CPAMD8: variants seen among roughly 807,000 people sequenced by gnomAD.
CPAMD8 encodes the protein C3 and PZP-like alpha-2-macroglobulin domain-containing protein 8.
A neutral mutation model predicts 224.7 loss-of-function variants in CPAMD8; 146 were observed. The ratio of observed to expected loss-of-function variants is 0.65; its 90% CI spans 0.57 to 0.75. The LOEUF is 0.75. Ranked by LOEUF, CPAMD8 falls within the 30% of genes least tolerant of loss-of-function variation. The pLI is 0.00. For missense variants in CPAMD8, 2,301 were observed against 2,537.5 expected (o/e 0.91, Z 2.00); for synonymous variants, 966 against 1,044.6 (o/e 0.92, Z 1.45).
At chr19:16,995,390 T>C (rs997773971) in intron 11 of CPAMD8, among the ~76,000 whole-genome samples, 1 of 150,944 alleles carries the variant, frequency 6.6e-6, no homozygotes, top group Non-Finnish European at 1.5e-5. Flanking sequence ...CCAGGTTTGT[T>C]TTTGTTTTTT....
At chr19:16,904,181 A>ACCCCC in intron 32 of CPAMD8, 45 bp downstream of exon 32, 5 of 285,562 alleles carry the variant, frequency 1.8e-5, no homozygotes, top group Admixed American at 1.2e-4. Context: ...CAGGGACCCC[A>ACCCCC]CCCACCCAGC....
At chr19:17,009,423 T>A in intron 5 of CPAMD8, 103 bp from the exon 6 acceptor site, 1 of 1,594,950 alleles carries the variant, frequency 6.3e-7, no homozygotes, top group South Asian at 1.1e-5. Context: ...GCAGTCGCTG[T>A]TATGGGTTAA....
At chr19:16,979,258 C>T (rs1402585330) in intron 14 of CPAMD8, among the ~76,000 whole-genome samples, 1 of 150,096 alleles carries the variant, frequency 6.7e-6, no homozygotes, top group East Asian at 2.0e-4. Context: ...TCCTCATCCA[C>T]CCACCCATTA....
At chr19:16,978,207 T>C (rs1334542971) in intron 14 of CPAMD8, among the ~76,000 whole-genome samples, 4 of 152,060 alleles carry the variant, frequency 2.6e-5, no homozygotes, top group Non-Finnish European at 5.9e-5. Context: ...AGGAAACTCA[T>C]GGGCAACAGG....
At chr19:16,940,818 G>T (rs2053863043) in intron 22 of CPAMD8, among the ~76,000 whole-genome samples, 1 of 152,190 alleles carries the variant, frequency 6.6e-6, no homozygotes, top group Non-Finnish European at 1.5e-5. Context: ...ACCAGGGAAG[G>T]CCCCAGAAGC....
At position 16,993,515 on chromosome 19, in the gene CPAMD8, T is replaced by C. The variant is rs1261380487; in HGVS notation, c.1167A>G (p.Pro389=). Reference sequence around the variant, plus strand: ...CTTCACTGGTGTAGATGTTATCCTTTGGTGTCAGCTCTGCCTTAATCTGGA... The same window carrying C: ...CTTCACTGGTGTAGATGTTATCCTTCGGTGTCAGCTCTGCCTTAATCTGGA... ...VTVQIKAELT[P]KDNIYTSEVV... Residue 389 remains proline, a synonymous_variant, in exon 12 of 42, where the codon CCA becomes CCG. Coordinates refer to ENST00000443236, the MANE Select transcript of CPAMD8 (RefSeq NM_015692.5). The C allele has an allele frequency of 6.2e-7, 1 of 1,613,874 alleles. No individual in the cohort carries two copies. The highest frequency in any genetic ancestry group is 8.5e-7 in the Non-Finnish European group (1 of 1,179,906).
chr19:16,917,063 C>T (rs116874369), intron 27 of CPAMD8, among the ~76,000 whole-genome samples: 138 of 152,240 alleles, frequency 9.1e-4, no homozygotes, highest in Non-Finnish European at 1.3e-3. Flanking sequence ...CACTGTAAAA[C>T]GCAAACAGGA....
intron 22 of CPAMD8, among the ~76,000 whole-genome samples, chr19:16,940,212 T>G (rs2053840998): frequency 6.6e-6 from 1 of 152,112 alleles, no homozygotes; most frequent in South Asian, 2.1e-4. Flanking sequence ...ACGCCCGGCC[T>G]CCTGGGTCTC....
At chr19:16,923,577 C>T (rs1242883201) in intron 26 of CPAMD8, among the ~76,000 whole-genome samples, 1 of 152,162 alleles carries the variant, frequency 6.6e-6, no homozygotes, top group African/African-American at 2.4e-5. Flanking sequence ...AATAAAAGAT[C>T]TTTACAGATG....
chr19:16,912,604 C>A (rs990895982), intron 29 of CPAMD8, among the ~76,000 whole-genome samples: 1 of 152,136 alleles, frequency 6.6e-6, no homozygotes, highest in African/African-American at 2.4e-5. Context: ...CGAAAATTAG[C>A]CGGATGCAGT....
intron 6 of CPAMD8, 90 bp from the exon 7 acceptor site, chr19:17,008,649 T>G: frequency 2.9e-6 from 4 of 1,395,012 alleles, no homozygotes; most frequent in Non-Finnish European, 3.1e-6. Flanking sequence ...GTCCTCTCTC[T>G]TGGGCATGTC....
rs200803282 is a variant in CPAMD8 at position 17,011,698 on chromosome 19, C to T, written c.327G>A (p.Ala109=). Residue 109 remains alanine (A), a synonymous_variant, in exon 4 of 42, where the codon GCG becomes GCA. Transcript: ENST00000443236. ...GGTTGTGAAAGAGGGGCCCCTCCTC[C>T]GCCTGCCAGCCGCGGCCCCACACTT... The part of the protein sequence containing the change: ...LLKVWGRGWQ[A]EEGPLFHNQT... 1.5e-4 allele frequency: 244 copies of T among 1,613,918 alleles called. 1 individual carries two copies. In the African/African-American group the frequency reaches 1.8e-3, roughly 12 times the overall value.
chr19:17,004,556 C>T (rs946257512), intron 7 of CPAMD8, among the ~76,000 whole-genome samples, 170 bp from the exon 8 acceptor site: 5 of 151,966 alleles, frequency 3.3e-5, no homozygotes, highest in African/African-American at 1.2e-4. Flanking sequence ...CCTGTAGGAT[C>T]AGGCCAGCGG....
chr19:16,893,216 C>T lies in CPAMD8; in HGVS notation c.5550G>A (p.Val1850=). 1 of 1,591,110 alleles carries T rather than the reference C, an allele frequency of 6.3e-7. No homozygotes were observed. Among genetic ancestry groups the T allele is most frequent in the Non-Finnish European group, 8.6e-7 (1 of 1,167,248 alleles). The change falls in exon 42 of 42, where the codon GTG becomes GTA. Residue 1850 remains valine, a synonymous_variant. Transcript: ENST00000443236. The part of the protein sequence containing the change: ...PAPQRHSGRV[V]GAHRPGLLSP... The stretch of plus-strand genomic sequence containing the variant: ...TCAGAAGCCCTGGCCTGTGGGCCCC[C>T]ACCACCCGGCCACTATGTCTCTGAG...
intron 20 of CPAMD8, among the ~76,000 whole-genome samples, chr19:16,949,168 G>A (rs1302160299): frequency 6.6e-6 from 1 of 152,008 alleles, no homozygotes; most frequent in African/African-American, 2.4e-5. Context: ...CCACTGGAGG[G>A]TCTGAATGGG....
Position 16,902,654 on chromosome 19 carries a change from G to A in CPAMD8, c.4680C>T (p.Cys1560=). ...HQEYKVMLEV[C]TRWLHAGSSN... Reference sequence around the variant, plus strand: ...AGCAGGGCAGGTGGCCTTACCTGGTGCACACCTCCAGCATCACCTTGTATT... The same window carrying A: ...AGCAGGGCAGGTGGCCTTACCTGGTACACACCTCCAGCATCACCTTGTATT... Residue 1560 remains cysteine, a synonymous_variant, in exon 35 of 42, where the codon TGC becomes TGT. Coordinates refer to ENST00000443236, the MANE Select transcript of CPAMD8 (RefSeq NM_015692.5). 1.2e-6 allele frequency: 2 copies of A among 1,605,022 alleles called. No individual in the cohort carries two copies. Among genetic ancestry groups the A allele is most frequent in the Non-Finnish European group, 8.5e-7 (1 of 1,175,392 alleles).
Position 16,975,178 on chromosome 19 carries a change from C to A in CPAMD8, c.1989G>T (p.Gly663=). 6.2e-7 allele frequency: 1 copy of A among 1,612,030 alleles called. No homozygotes were observed. Among genetic ancestry groups the A allele is most frequent in the Non-Finnish European group, 8.5e-7 (1 of 1,179,150 alleles). ...SREDGPFWWA[G]LTAQRRRRSS... is the part of the protein sequence containing the mutation. ...AGCGCCGGCGTCGTTGTGCCGTCAG[C>A]CCAGCCCACCAAAAAGGACCATCCT... Residue 663 remains glycine (G), a synonymous_variant, in exon 17 of 42, where the codon GGG becomes GGT. Coordinates refer to ENST00000443236, the MANE Select transcript of CPAMD8 (RefSeq NM_015692.5).
chr19:16,967,893 G>GTGTATATATGTGCATATATACACACACA (rs2054899388), intron 18 of CPAMD8, among the ~76,000 whole-genome samples: 2,351 of 43,290 alleles, frequency 0.054, 197 homozygotes, highest in African/African-American at 0.18. Flanking sequence ...ACACACACAT[G>GTGTATATATGTGCATATATACACACACA]TGTGTGTATA....
chr19:16,976,560 G>T lies in CPAMD8; in HGVS notation c.1759-409C>A, dbSNP rs570193181. ...CTTCTGCCCCACCCATGCACCCCCT[G>T]CCCACCAAGGAGAGTGGGTCTTTGC... is the stretch of plus-strand genomic sequence containing the variant. On this transcript the variant is annotated intron_variant, in intron 15 of 41. Coordinates refer to ENST00000443236, the MANE Select transcript of CPAMD8 (RefSeq NM_015692.5). Among the ~76,000 whole-genome samples, 46 of 152,102 alleles carry T rather than the reference G, an allele frequency of 3.0e-4. 1 individual carries two copies. Among genetic ancestry groups the T allele is most frequent in the African/African-American group, 1.1e-3 (45 of 41,394 alleles).
Sources: allele counts gnomAD v4.1 joint callset (sites outside exome capture counted in the v4.1 genomes callset), GRCh38; gene constraint gnomAD v4.1.1; transcripts MANE v1.5; gene names NCBI Gene and HGNC (gene_info 2026-07-23, HGNC 2026-07-21).